NPAS3: variants seen among roughly 807,000 people sequenced by gnomAD.
NPAS3 encodes the protein neuronal PAS domain protein 3.
A neutral mutation model predicts 73.1 loss-of-function variants in NPAS3; 14 were observed. The ratio of observed to expected loss-of-function variants is 0.19; its 90% CI spans 0.13 to 0.30. NPAS3 has a LOEUF of 0.30. Ranked by LOEUF, NPAS3 falls within the 10% of genes least tolerant of loss-of-function variation. The pLI is 1.00. For missense variants in NPAS3, 1,096 were observed against 1,250.0 expected (o/e 0.88, Z 1.86); for synonymous variants, 620 against 541.5 (o/e 1.14, Z -2.01).
At chr14:33,179,070 G>A (rs2045701089) in intron 2 of NPAS3, among the ~76,000 whole-genome samples, 1 of 151,982 alleles carries the variant, frequency 6.6e-6, no homozygotes, top group Admixed American at 6.6e-5. Context: ...CAGTTAACTT[G>A]ATCACGTGTG....
chr14:33,359,413 G>C (rs1265496141), intron 3 of NPAS3, among the ~76,000 whole-genome samples: 1 of 152,176 alleles, frequency 6.6e-6, no homozygotes, highest in Non-Finnish European at 1.5e-5. Flanking sequence ...CAAGATACCA[G>C]ATGTGGACGT....
intron 4 of NPAS3, among the ~76,000 whole-genome samples, chr14:33,551,316 G>A (rs1162924453): frequency 1.3e-5 from 2 of 151,988 alleles, no homozygotes; most frequent in Admixed American, 6.6e-5. Context: ...TACTACTCCC[G>A]ACACAAACCT....
chr14:33,051,319 A>G (rs1206682701), intron 1 of NPAS3, among the ~76,000 whole-genome samples: 1 of 150,040 alleles, frequency 6.7e-6, no homozygotes, highest in African/African-American at 2.5e-5. Context: ...GAACTTCCCC[A>G]CTACCACCTA....
At chr14:33,702,218 G>C (rs2060542275) in intron 6 of NPAS3, among the ~76,000 whole-genome samples, 2 of 152,224 alleles carry the variant, frequency 1.3e-5, no homozygotes, top group South Asian at 4.1e-4. Flanking sequence ...CTCTCACCCA[G>C]TATCAATAGT....
intron 4 of NPAS3, among the ~76,000 whole-genome samples, chr14:33,525,346 A>C (rs553647245): frequency 3.9e-5 from 6 of 152,294 alleles, no homozygotes; most frequent in African/African-American, 1.4e-4. Flanking sequence ...TTTGCCATAT[A>C]ATTACTGCTA....
intron 1 of NPAS3, among the ~76,000 whole-genome samples, chr14:32,955,816 A>G (rs2036650252): frequency 6.6e-6 from 1 of 152,110 alleles, no homozygotes; most frequent in South Asian, 2.1e-4. Flanking sequence ...AACATACCCC[A>G]TGATCTCAGA....
At chr14:33,766,861 G>A (rs2140859186) in intron 7 of NPAS3, among the ~76,000 whole-genome samples, 1 of 152,290 alleles carries the variant, frequency 6.6e-6, no homozygotes, top group Non-Finnish European at 1.5e-5. Flanking sequence ...TCCACCTTGT[G>A]AAGTCAGCTT....
intron 2 of NPAS3, among the ~76,000 whole-genome samples, chr14:33,178,877 G>A (rs2045692971): frequency 6.6e-6 from 1 of 152,086 alleles, no homozygotes; most frequent in Admixed American, 6.5e-5. Flanking sequence ...GTAAAAGTAG[G>A]CATACTGTCT....
intron 2 of NPAS3, among the ~76,000 whole-genome samples, chr14:33,146,367 A>G (rs774751320): frequency 6.6e-6 from 1 of 152,152 alleles, no homozygotes; most frequent in Non-Finnish European, 1.5e-5. Context: ...CCTGAGTGTC[A>G]TACTCTGTAC....
At chr14:33,572,389 T>A (rs1267471828) in intron 5 of NPAS3, among the ~76,000 whole-genome samples, 1 of 152,204 alleles carries the variant, frequency 6.6e-6, no homozygotes, top group East Asian at 1.9e-4. Context: ...GTGCCCTAAC[T>A]AACATTTATT....
chr14:33,108,471 C>T (rs1035949369), intron 2 of NPAS3, among the ~76,000 whole-genome samples: 6 of 151,970 alleles, frequency 3.9e-5, no homozygotes, highest in African/African-American at 1.4e-4. Context: ...GGATTACTGG[C>T]AAATAACAAA....
chr14:33,637,366 A>G (rs916821116), intron 5 of NPAS3, among the ~76,000 whole-genome samples: 3 of 152,240 alleles, frequency 2.0e-5, no homozygotes, highest in Non-Finnish European at 4.4e-5. Flanking sequence ...TTCAGCTTGT[A>G]TATTTAGAAA....
chr14:33,539,063 G>A (rs1247453523), intron 4 of NPAS3, among the ~76,000 whole-genome samples: 1 of 152,076 alleles, frequency 6.6e-6, no homozygotes, highest in East Asian at 1.9e-4. Context: ...GGAGGGAGGG[G>A]GAATCAATGA....
At chr14:33,798,044 G>C (rs1208764499) in intron 11 of NPAS3, among the ~76,000 whole-genome samples, 1 of 151,778 alleles carries the variant, frequency 6.6e-6, no homozygotes, top group Non-Finnish European at 1.5e-5. Flanking sequence ...GCTAGCTCTC[G>C]GCCTCTACTA....
chr14:33,091,877 A>T (rs527935860), intron 2 of NPAS3, among the ~76,000 whole-genome samples: 1 of 152,194 alleles, frequency 6.6e-6, no homozygotes, highest in East Asian at 1.9e-4. Flanking sequence ...AAACCACATG[A>T]TTATCTCAAT....
chr14:33,585,967 G>T (rs1251213687), intron 5 of NPAS3: 1 of 151,952 alleles, frequency 6.6e-6, no homozygotes, highest in Non-Finnish European at 1.5e-5. Flanking sequence ...CACAGGGAAG[G>T]ATCACATCCT....
At chr14:33,640,838 T>C (rs13379262) in intron 5 of NPAS3, among the ~76,000 whole-genome samples, 10,028 of 152,258 alleles carry the variant, frequency 0.066, 1,055 homozygotes, top group African/African-American at 0.22. Context: ...AGTATATAGA[T>C]GTAGATGTAA....
chr14:33,442,405 C>G (rs1008510642), intron 4 of NPAS3, among the ~76,000 whole-genome samples: 1 of 128,548 alleles, frequency 7.8e-6, no homozygotes, highest in African/African-American at 3.6e-5. Context: ...AGAGCAAGTT[C>G]CTGTCTTAAA....
intron 2 of NPAS3, among the ~76,000 whole-genome samples, chr14:33,182,399 G>A (rs1409613748): frequency 6.6e-6 from 1 of 152,034 alleles, no homozygotes; most frequent in African/African-American, 2.4e-5. Context: ...GTCAAATTAA[G>A]CAATATCTCA....
Sources: gnomAD v4.1 joint callset for allele counts (sites outside exome capture counted in the v4.1 genomes callset) on GRCh38, gnomAD v4.1.1 for gene constraint, MANE v1.5 for transcripts, NCBI Gene and HGNC (gene_info 2026-07-23, HGNC 2026-07-21) for gene names.